The following DLC1 variants were observed in gnomAD, a reference collection of about 807,000 sequenced individuals.
DLC1 encodes the protein DLC1 Rho GTPase activating protein.
A neutral mutation model predicts 140.3 loss-of-function variants in DLC1; 54 were observed. The observed-to-expected ratio is 0.38, with a 90% CI of 0.31 to 0.48. DLC1 has a LOEUF of 0.48. Among genes scored for constraint, DLC1 ranks in the 20% least tolerant of loss-of-function variants. The probability of loss-of-function intolerance (pLI) is 0.96; values close to 1 mark genes in which losing one functional copy is unlikely to be tolerated. For synonymous variants in DLC1, 986 were observed against 728.1 expected (o/e 1.35, Z -5.70); for missense variants, 2,536 against 1,907.0 (o/e 1.33, Z -6.14).
intron 2 of DLC1, among the ~76,000 whole-genome samples, chr8:13,423,242 A>G (rs1272130969): frequency 6.6e-6 from 1 of 152,198 alleles, no homozygotes; most frequent in African/African-American, 2.4e-5. Flanking sequence ...AAGGAAATAA[A>G]TGCATTTTTG....
At chr8:13,390,907 C>T (rs973708637) in intron 4 of DLC1, among the ~76,000 whole-genome samples, 3 of 151,576 alleles carry the variant, frequency 2.0e-5, no homozygotes, top group African/African-American at 7.3e-5. Context: ...ATGCCGTGAA[C>T]CCAGGAGGCA....
At chr8:13,350,521 G>T (rs953519026) in intron 4 of DLC1, among the ~76,000 whole-genome samples, 2 of 152,042 alleles carry the variant, frequency 1.3e-5, no homozygotes, top group East Asian at 3.9e-4. Flanking sequence ...TTTGAAACCA[G>T]CCAGGCCAAC....
At chr8:13,414,298 A>G (rs925392967) in intron 2 of DLC1, among the ~76,000 whole-genome samples, 1 of 152,214 alleles carries the variant, frequency 6.6e-6, no homozygotes, top group Non-Finnish European at 1.5e-5. Context: ...AAATGTGGTT[A>G]CTAAAGTATA....
rs879632969 is a variant in DLC1, at chr8:13,592,185, CT to C, written c.-126+12351del. On this transcript the variant is annotated intron_variant, in intron 1 of 1. Coordinates refer to the DLC1 transcript ENST00000631382. ...GCTTTATTGGGCAAATGGTAAAGGT[CT>C]TATATTTATCAACTTTTAGAATGTC... 5.1e-4 allele frequency among the ~76,000 whole-genome samples: 78 copies of C among 151,956 alleles called. 1 individual carries two copies. Among genetic ancestry groups the C allele is most frequent in the Non-Finnish European group, 9.9e-4 (67 of 67,982 alleles).
intron 5 of DLC1, among the ~76,000 whole-genome samples, chr8:13,173,670 T>C (rs1401787388): frequency 6.6e-6 from 1 of 152,182 alleles, no homozygotes; most frequent in Non-Finnish European, 1.5e-5. Flanking sequence ...GCGCCCGGCC[T>C]GTTCTGCTCC....
chr8:13,541,123 C>A (rs1278328120), intron 1 of DLC1, among the ~76,000 whole-genome samples: 1 of 152,186 alleles, frequency 6.6e-6, no homozygotes, highest in Non-Finnish European at 1.5e-5. Context: ...GATCATTGTG[C>A]ATGGAAGTTG....
At chr8:13,352,195 G>A (rs962079679) in intron 4 of DLC1, among the ~76,000 whole-genome samples, 1 of 151,646 alleles carries the variant, frequency 6.6e-6, no homozygotes, top group Non-Finnish European at 1.5e-5. Flanking sequence ...CATGGTGCAC[G>A]TGGATGCGCT....
At chr8:13,207,164 G>C (rs1054569971) in intron 5 of DLC1, among the ~76,000 whole-genome samples, 2 of 152,070 alleles carry the variant, frequency 1.3e-5, no homozygotes, top group Non-Finnish European at 2.9e-5. Context: ...TCTGAATACA[G>C]TTTTCCAATC....
chr8:13,462,922 G>T (rs1799739419), intron 2 of DLC1, among the ~76,000 whole-genome samples: 1 of 152,054 alleles, frequency 6.6e-6, no homozygotes, highest in Admixed American at 6.6e-5. Context: ...TTTTATTGTT[G>T]CTTATGATGA....
At chr8:13,375,848 G>T (rs950445900) in intron 4 of DLC1, among the ~76,000 whole-genome samples, 2 of 152,026 alleles carry the variant, frequency 1.3e-5, no homozygotes, top group Middle Eastern at 3.2e-3. Flanking sequence ...GTAATATTTG[G>T]CAGAGTATTA....
chr8:13,508,126 C>A (rs372100704), intron 1 of DLC1, among the ~76,000 whole-genome samples: 1 of 152,170 alleles, frequency 6.6e-6, no homozygotes, highest in East Asian at 1.9e-4. Flanking sequence ...ATTTTTACGT[C>A]CAGGTTGCTG....
At chr8:13,097,101 A>G (rs1253204470) in intron 10 of DLC1, among the ~76,000 whole-genome samples, 1 of 152,084 alleles carries the variant, frequency 6.6e-6, no homozygotes, top group Non-Finnish European at 1.5e-5. Context: ...CAATTTGTAC[A>G]ATGCATTTCA....
chr8:13,366,213 A>T (rs1020054661), intron 4 of DLC1, among the ~76,000 whole-genome samples: 1 of 152,206 alleles, frequency 6.6e-6, no homozygotes, highest in Non-Finnish European at 1.5e-5. Flanking sequence ...GGGGCAGTGA[A>T]AATAGTAGGG....
At chr8:13,586,502 C>G (rs1223919504) in intron 1 of DLC1, among the ~76,000 whole-genome samples, 5 of 151,286 alleles carry the variant, frequency 3.3e-5, no homozygotes, top group African/African-American at 1.2e-4. Flanking sequence ...ATAGTAATTT[C>G]TTTTGGTAGA....
intron 5 of DLC1, among the ~76,000 whole-genome samples, chr8:13,252,611 T>C (rs1830057201): frequency 6.6e-6 from 1 of 152,202 alleles, no homozygotes. Flanking sequence ...TACTAGAAAG[T>C]ATCTAGAAGG....
chr8:13,321,067 A>C (rs1833084400), intron 4 of DLC1, among the ~76,000 whole-genome samples: 1 of 152,052 alleles, frequency 6.6e-6, no homozygotes, highest in Non-Finnish European at 1.5e-5. Context: ...TTTCTGTATA[A>C]ATTACTCGCC....
intron 5 of DLC1, chr8:13,276,550 G>A (rs1483597833): frequency 1.5e-6 from 2 of 1,290,412 alleles, no homozygotes; most frequent in Non-Finnish European, 2.0e-6. Context: ...GCCAACTGCA[G>A]GCGGCCTCCT....
At chr8:13,298,493 C>T (rs1258215771) in intron 5 of DLC1, among the ~76,000 whole-genome samples, 1 of 152,178 alleles carries the variant, frequency 6.6e-6, no homozygotes, top group East Asian at 1.9e-4. Flanking sequence ...ACCTGTTTTA[C>T]AGAACATCTA....
chr8:13,332,314 T>C (rs1272767553), intron 4 of DLC1, among the ~76,000 whole-genome samples: 1 of 152,230 alleles, frequency 6.6e-6, no homozygotes. Flanking sequence ...TGAGCTACAC[T>C]GTTCATTCCC....
Sources: allele counts gnomAD v4.1 joint callset (sites outside exome capture counted in the v4.1 genomes callset), GRCh38; gene constraint gnomAD v4.1.1; transcripts MANE v1.5; gene names NCBI Gene and HGNC (gene_info 2026-07-23, HGNC 2026-07-21).